Variants in ODAD4 observed in about 807,000 individuals in gnomAD.
ODAD4 encodes the protein outer dynein arm docking complex subunit 4, also known as outer dynein arm-docking complex subunit 4.
A neutral mutation model predicts 51.8 loss-of-function variants in ODAD4; 49 were observed. The ratio of observed to expected loss-of-function variants is 0.95; its 90% CI spans 0.75 to 1.20. The LOEUF (loss-of-function observed/expected upper bound fraction) is 1.20. Ranked by LOEUF, ODAD4 falls within the 50% of genes most tolerant of loss-of-function variation. The pLI is 0.00. For missense variants in ODAD4, 590 were observed against 586.5 expected, an observed-to-expected ratio of 1.01 and a Z score of -0.06; for synonymous variants, 235 against 221.3, an observed-to-expected ratio of 1.06 and a Z score of -0.55.
rs782628487 is a variant in ODAD4 at position 41,965,204 on chromosome 17, A to C, written c.1740A>C (p.Ala580=). The C allele has an allele frequency of 2.6e-6, 2 of 774,504 alleles. No individual in the cohort carries two copies. Among genetic ancestry groups the C allele is most frequent in the Non-Finnish European group, 4.8e-6 (2 of 415,134 alleles). 48.0% of individuals were successfully genotyped at this position (774,504 alleles called of 1,614,324 possible). ...GAAAAGCCAGAAGCGATTTGGGAGC[A>C]GTTGCCAAGGGCCTGTCAGGAGAAT... is the stretch of plus-strand genomic sequence containing the variant. ...EAGKARSDLG[A]VAKGLSGELG... Residue 580 remains alanine, a synonymous_variant, in exon 12 of 12, where the codon GCA becomes GCC. Transcript: ENST00000377540.
Position 41,957,839 on chromosome 17 carries a change from G to A in ODAD4, c.1443+2522G>A, listed in dbSNP as rs138212399. Among the ~76,000 whole-genome samples, 826 of 152,258 alleles carry A rather than the reference G, an allele frequency of 5.4e-3. 1 individual carries two copies. Among genetic ancestry groups the A allele is most frequent in the Non-Finnish European group, 7.1e-3 (480 of 68,018 alleles). On this transcript the variant is annotated intron_variant, in intron 10 of 11. Coordinates refer to ENST00000377540, the MANE Select transcript of ODAD4 (RefSeq NM_031421.5). ...CTTGCTCTGTCACCCAGGCTACAGT[G>A]CAGTGGTGTGACTACAGCTCACTGC...
intron 5 of ODAD4, among the ~76,000 whole-genome samples, chr17:41,938,007 CAG>C (rs1314312688): frequency 1.3e-5 from 2 of 152,240 alleles, no homozygotes; most frequent in Non-Finnish European, 2.9e-5. Flanking sequence ...TCCTTAGCAA[CAG>C]GCCTGAATGC....
In ODAD4 at chr17:41,965,399, GC is replaced by G. The variant is rs1217255320; in HGVS notation, c.1937del (p.Pro646GlnfsTer12). The part of the protein sequence containing the change: ...KKLSEVGRRE[P>X]EELGKTQFGE... Reference sequence around the variant, plus strand: ...AACTTTCAGAAGTGGGCAGAAGAGAGCCAGAAGAACTGGGAAAAACACAATT... The same window carrying G: ...AACTTTCAGAAGTGGGCAGAAGAGAGCAGAAGAACTGGGAAAAACACAATT... On this transcript the variant is annotated frameshift_variant, in exon 12 of 12. Transcript: ENST00000377540. LOFTEE classifies it low-confidence loss of function (END_TRUNC). The G allele has an allele frequency of 2.6e-6, 2 of 780,036 alleles. No homozygotes were observed. The highest frequency in any genetic ancestry group is 3.4e-5 in the African/African-American group (2 of 59,044). 48.3% of individuals were successfully genotyped at this position (780,036 alleles called of 1,614,324 possible). A position where few individuals can be genotyped will look rare whatever the true frequency, so the allele number is the denominator to read the frequency against.
Position 41,939,004 on chromosome 17 carries a change from C to G in ODAD4, c.890C>G (p.Ala297Gly). 6.2e-7 allele frequency: 1 copy of G among 1,612,578 alleles called. No individual in the cohort carries two copies. The highest frequency in any genetic ancestry group is 8.5e-7 in the Non-Finnish European group (1 of 1,179,236). Residue 297 changes from alanine to glycine, a missense_variant, in exon 7 of 12, where the codon GCT (alanine) becomes GGT (glycine). This residue lies in a region of ODAD4 where 360 missense variants were observed against 407.5 expected (regional missense o/e 0.88). Coordinates refer to ENST00000377540, the MANE Select transcript of ODAD4 (RefSeq NM_031421.5). ...SGSAEGSLQK[A>G]EKVLKKVLEW... ...AGTGCTGAAGGGAGTCTTCAGAAAG[C>G]TGAGAAAGTGCTGAAGAAGGTACTG...
At chr17:41,945,044 C>A in intron 7 of ODAD4, 92 bp from the exon 8 acceptor site, 2 of 1,003,594 alleles carry the variant, frequency 2.0e-6, no homozygotes, top group Non-Finnish European at 3.0e-6. Context: ...GTTTCTGAGG[C>A]CAGGGCTCCT....
In ODAD4 at chr17:41,936,763, A is replaced by G. The variant is rs1555637878; in HGVS notation, c.461A>G (p.Asn154Ser). The change falls in exon 5 of 12, where the codon AAT becomes AGT. Residue 154 changes from asparagine (N) to serine (S), a missense_variant and splice_region_variant. Transcript: ENST00000377540. ...TTGGGTGTTGCTCCATTTTCTCAGA[A>G]TATAAAAGCCCAGCAGAAGCCTCAG... is the stretch of plus-strand genomic sequence containing the variant. ...DLSFLSKQAENIKAQQKPQPM... is the reference protein window; with the variant it reads ...DLSFLSKQAESIKAQQKPQPM... 6.2e-7 allele frequency: 1 copy of G among 1,613,846 alleles called. No homozygotes were observed. Among genetic ancestry groups the G allele is most frequent in the East Asian group, 2.2e-5 (1 of 44,870 alleles).
At chr17:41,933,385 T>C (rs1233844852) in intron 1 of ODAD4, among the ~76,000 whole-genome samples, 3 of 148,334 alleles carry the variant, frequency 2.0e-5, no homozygotes, top group African/African-American at 7.5e-5. Context: ...GTCAGGTGGC[T>C]CATGCCTGTA....
chr17:41,944,445 CCCCCCCGCAT>C (rs2050558369), intron 7 of ODAD4, among the ~76,000 whole-genome samples: 2 of 3,522 alleles, frequency 5.7e-4, no homozygotes, highest in Non-Finnish European at 1.7e-3. Context: ...CACACACACA[CCCCCCCGCAT>C]ACACAGAAAT....
intron 10 of ODAD4, among the ~76,000 whole-genome samples, chr17:41,955,704 G>A (rs962314967): frequency 6.6e-5 from 10 of 152,154 alleles, no homozygotes; most frequent in African/African-American, 2.2e-4. Context: ...GATTACAGGC[G>A]TGAGCCACTG....
At chr17:41,937,032 T>G in intron 5 of ODAD4, 105 bp downstream of exon 5, 2 of 1,339,006 alleles carry the variant, frequency 1.5e-6, no homozygotes, top group Non-Finnish European at 2.1e-6. Context: ...TTAGCTGACG[T>G]GTACCTGTGG....
At position 41,965,680 on chromosome 17, in the gene ODAD4, C is replaced by T; in HGVS notation, c.*197C>T. ...TGAGTCTGTCACTTTGCCTCTTCAC[C>T]CCTGCCCATTCTTGGAAGAGCATCG... On this transcript the variant is annotated 3_prime_UTR_variant, in exon 12 of 12. Coordinates refer to ENST00000377540, the MANE Select transcript of ODAD4 (RefSeq NM_031421.5). 1.8e-6 allele frequency: 1 copy of T among 545,078 alleles called. No individual in the cohort carries two copies. The highest frequency in any genetic ancestry group is 3.1e-5 in the East Asian group (1 of 32,118). The allele number at this position is 545,078 out of a possible 1,614,324, so 33.8% of individuals were successfully genotyped here. A position where few individuals can be genotyped will look rare whatever the true frequency, so the allele number is the denominator to read the frequency against.
At chr17:41,952,615 A>G (rs371324511) in intron 9 of ODAD4, 8 of 496,118 alleles carry the variant, frequency 1.6e-5, no homozygotes, top group African/African-American at 1.6e-4. Context: ...TCTCTTGAAT[A>G]AGCATGTGAC....
At chr17:41,956,842 C>G (rs1412026247) in intron 10 of ODAD4, among the ~76,000 whole-genome samples, 1 of 152,162 alleles carries the variant, frequency 6.6e-6, no homozygotes, top group Non-Finnish European at 1.5e-5. Flanking sequence ...CTTGACCTGC[C>G]AAAGTGCTGG....
At position 41,935,345 on chromosome 17, in the gene ODAD4, TA is replaced by T. The variant is rs781949585; in HGVS notation, c.245del (p.Lys82ArgfsTer29). ...ASLQSDPAFC[K>X]GILQKAETLY... The stretch of plus-strand genomic sequence containing the variant: ...CGCTCCAGAGTGACCCAGCTTTCTG[TA>T]AGGTGACTGCATGGGCGGGAGGACT... On this transcript the variant is annotated frameshift_variant and splice_region_variant, in exon 2 of 12. Coordinates refer to ENST00000377540, the MANE Select transcript of ODAD4 (RefSeq NM_031421.5). LOFTEE classifies it high-confidence loss of function. 7.5e-5 allele frequency: 121 copies of T among 1,613,730 alleles called. No individual in the cohort carries two copies. Among genetic ancestry groups the T allele is most frequent in the Admixed American group, 2.3e-4 (14 of 59,966 alleles).
At position 41,939,117 on chromosome 17, in the gene ODAD4, C is replaced by A. The variant is rs559839719; in HGVS notation, c.1003C>A (p.Gln335Lys). 4 of 1,613,930 alleles carry A rather than the reference C, an allele frequency of 2.5e-6. No homozygotes were observed. The African/African-American group carries it at 4.0e-5, about 16-fold the overall frequency. The change falls in exon 7 of 12, where the codon CAG becomes AAG. Residue 335 changes from glutamine (Q) to lysine (K), a missense_variant. This residue lies in a region of ODAD4 where 360 missense variants were observed against 407.5 expected (regional missense o/e 0.88). Coordinates refer to ENST00000377540, the MANE Select transcript of ODAD4 (RefSeq NM_031421.5). ...AGGGAATGCCCAGATTGAGCTGGGG[C>A]AGATGGAGGCAGCCCTGCAGAGCCA... The part of the protein sequence containing the change: ...CIGNAQIELG[Q>K]MEAALQSHRK...
At chr17:41,931,631 C>T (rs979616306) in intron 1 of ODAD4, among the ~76,000 whole-genome samples, 2 of 152,018 alleles carry the variant, frequency 1.3e-5, no homozygotes, top group South Asian at 4.2e-4. Context: ...ACTTCCGCCT[C>T]CCCAGGTTCA....
chr17:41,944,571 CCT>C (rs2050560883), intron 7 of ODAD4, among the ~76,000 whole-genome samples: 1 of 151,890 alleles, frequency 6.6e-6, no homozygotes, highest in South Asian at 2.1e-4. Flanking sequence ...GGGTAGATCA[CCT>C]GAGATCAGGA....
chr17:41,935,646 G>T lies in ODAD4; in HGVS notation c.294G>T (p.Glu98Asp), dbSNP rs201095186. The change falls in exon 3 of 12, where the codon GAG (glutamate) becomes GAT (aspartate). Residue 98 changes from glutamate (E) to aspartate (D), a missense_variant. Around this residue, in one of 3 missense-constraint regions of ODAD4, gnomAD observed 360 missense variants for 407.5 expected, o/e 0.88. Coordinates refer to ENST00000377540, the MANE Select transcript of ODAD4 (RefSeq NM_031421.5). ...AETLYTMGDF[E>D]FALVFYHRGY... The stretch of plus-strand genomic sequence containing the variant: ...CACTGTACACCATGGGAGACTTTGA[G>T]TTTGCCTTGGTATTCTATCATCGAG... 8.4e-5 allele frequency: 135 copies of T among 1,613,356 alleles called. No individual in the cohort carries two copies. Among genetic ancestry groups the T allele is most frequent in the Non-Finnish European group, 1.9e-5 (22 of 1,179,684 alleles).
At position 41,960,989 on chromosome 17, in the gene ODAD4, C is replaced by G. The variant is rs116934648; in HGVS notation, c.1444-393C>G. Among the ~76,000 whole-genome samples, 1,358 of 152,300 alleles carry G rather than the reference C, an allele frequency of 8.9e-3. 9 individuals carry two copies. Among genetic ancestry groups the G allele is most frequent in the Non-Finnish European group, 0.016 (1,071 of 68,024 alleles). On this transcript the variant is annotated intron_variant, in intron 10 of 11. Coordinates refer to ENST00000377540, the MANE Select transcript of ODAD4 (RefSeq NM_031421.5). ...GGCAGGCCAGCCCCCAGCCTGTCCCCTTGGTGTGTTTCTGGGTCTTTTCAG... is the reference window on the plus strand; with the variant it reads ...GGCAGGCCAGCCCCCAGCCTGTCCCGTTGGTGTGTTTCTGGGTCTTTTCAG...
Sources: allele counts gnomAD v4.1 joint callset (sites outside exome capture counted in the v4.1 genomes callset), GRCh38; gene constraint gnomAD v4.1.1; regional missense constraint gnomAD v4.1.1; transcripts MANE v1.5; gene names NCBI Gene and HGNC (gene_info 2026-07-23, HGNC 2026-07-21).